Variants in SLC9A8 observed in about 807,000 individuals in gnomAD.
SLC9A8 encodes sodium/hydrogen exchanger 8.
In SLC9A8, 48 loss-of-function variants were observed where a neutral mutation model predicts 66.6. That is an observed-to-expected ratio of 0.72 (90% CI 0.57 to 0.92). The LOEUF (loss-of-function observed/expected upper bound fraction) is 0.92. Among genes scored for constraint, SLC9A8 ranks in the 40% least tolerant of loss-of-function variants. The pLI, the probability that SLC9A8 is intolerant of heterozygous loss-of-function variation, is 0.00. For synonymous variants in SLC9A8, 274 were observed against 282.6 expected (o/e 0.97, Z 0.31); for missense variants, 599 against 747.3 (o/e 0.80, Z 2.31).
intron 13 of SLC9A8, among the ~76,000 whole-genome samples, chr20:49,882,265 C>T (rs1224810742): frequency 3.9e-5 from 6 of 152,214 alleles, no homozygotes; most frequent in Admixed American, 3.3e-4. Context: ...CGCCTGTCCA[C>T]GGGGCTGGAA....
chr20:49,814,881 G>C (rs890883964), intron 1 of SLC9A8, 127 bp from the exon 2 acceptor site: 2 of 652,984 alleles, frequency 3.1e-6, no homozygotes, highest in Non-Finnish European at 2.4e-6. Context: ...TCTCTCGAAG[G>C]CCTGCCTGTT....
chr20:49,866,646 T>C (rs954481864), intron 10 of SLC9A8, among the ~76,000 whole-genome samples: 1 of 152,164 alleles, frequency 6.6e-6, no homozygotes, highest in Non-Finnish European at 1.5e-5. Flanking sequence ...TTATAGTTTA[T>C]ATGAGTTTAT....
At chr20:49,840,283 A>G (rs953644159) in intron 4 of SLC9A8, among the ~76,000 whole-genome samples, 1 of 152,190 alleles carries the variant, frequency 6.6e-6, no homozygotes, top group African/African-American at 2.4e-5. Flanking sequence ...CCTGGGGTGC[A>G]AGTACTCATT....
chr20:49,823,528 G>A (rs879013358), intron 3 of SLC9A8, among the ~76,000 whole-genome samples: 1 of 152,192 alleles, frequency 6.6e-6, no homozygotes, highest in South Asian at 2.1e-4. Context: ...AGACAGAAGG[G>A]ACTCTGACTT....
In SLC9A8 at chr20:49,886,668, G is replaced by C; in HGVS notation, c.1492-84G>C. 1 of 1,510,658 alleles carries C rather than the reference G, an allele frequency of 6.6e-7. No homozygotes were observed. Among genetic ancestry groups the C allele is most frequent in the Admixed American group, 1.9e-5 (1 of 52,278 alleles). The allele number at this position is 1,510,658 out of a possible 1,614,324, so 93.6% of individuals were successfully genotyped here. On this transcript the variant is annotated intron_variant, in intron 14 of 15. Coordinates refer to ENST00000361573, the MANE Select transcript of SLC9A8 (RefSeq NM_015266.3). This position sits in a 1 kb window ranked among gnomAD's most constrained non-coding sequence, Gnocchi z 4.8. The stretch of plus-strand genomic sequence containing the variant: ...GGAGTTAGGGTTGGGGACACTGGCG[G>C]CCTGGGTGGTGTGGGGGCTTCCAGG...
At chr20:49,847,382 C>CT (rs11334417) in intron 5 of SLC9A8, among the ~76,000 whole-genome samples, 2,009 of 113,892 alleles carry the variant, frequency 0.018, 24 homozygotes, top group East Asian at 0.047. Context: ...TTTTTCTTTT[C>CT]TTTTTTTTTT....
intron 10 of SLC9A8, among the ~76,000 whole-genome samples, chr20:49,867,892 G>GCTA: frequency 6.6e-6 from 1 of 152,322 alleles, no homozygotes; most frequent in South Asian, 2.1e-4. Context: ...CTACCCAGTC[G>GCTA]CTATCCGGAG....
At chr20:49,830,079 A>G (rs2087110399) in intron 3 of SLC9A8, 1 of 731,024 alleles carries the variant, frequency 1.4e-6, no homozygotes, top group Non-Finnish European at 2.6e-6. Flanking sequence ...GCAGATCCTC[A>G]TTTCCATCAT....
At chr20:49,848,586 C>A (rs1305344116) in intron 5 of SLC9A8, among the ~76,000 whole-genome samples, 1 of 152,136 alleles carries the variant, frequency 6.6e-6, no homozygotes, top group South Asian at 2.1e-4. Flanking sequence ...AAGTGGAGTT[C>A]ATAGGGTTAT....
At chr20:49,883,760 C>CT in intron 13 of SLC9A8, 86 bp from the exon 14 acceptor site, 1 of 1,079,530 alleles carries the variant, frequency 9.3e-7, no homozygotes, top group Non-Finnish European at 1.3e-6. Context: ...GGTCGTGGTG[C>CT]TGGGCCGGCT....
chr20:49,836,452 C>T (rs1214498607), intron 3 of SLC9A8, among the ~76,000 whole-genome samples: 1 of 152,074 alleles, frequency 6.6e-6, no homozygotes, highest in Non-Finnish European at 1.5e-5. Flanking sequence ...TCCTGCCTCT[C>T]CCAAGTAGCT....
intron 5 of SLC9A8, among the ~76,000 whole-genome samples, chr20:49,845,823 AGAT>A (rs1183287976): frequency 7.3e-5 from 11 of 150,790 alleles, no homozygotes; most frequent in Non-Finnish European, 8.9e-5. Context: ...TCCCAGTGTG[AGAT>A]GTTTTTTTTT....
At position 49,891,978 on chromosome 20, in the gene SLC9A8, G is replaced by GAA. The variant is rs1355164726; in HGVS notation, c.*4042_*4043insAA. On this transcript the variant is annotated 3_prime_UTR_variant, in exon 16 of 16. Coordinates refer to ENST00000361573, the MANE Select transcript of SLC9A8 (RefSeq NM_015266.3). The stretch of plus-strand genomic sequence containing the variant: ...TTTTTGTTTTAAGAAGCATTATGAA[G>GAA]GCCAGACTTACTCATTTTTCTCCCC... 2.6e-5 allele frequency: 4 copies of GAA among 152,166 alleles called. No homozygotes were observed. Among genetic ancestry groups the GAA allele is most frequent in the Non-Finnish European group, 5.9e-5 (4 of 68,044 alleles). 9.4% of individuals were successfully genotyped at this position (152,166 alleles called of 1,614,324 possible).
chr20:49,879,997 A>G (rs1429867201), intron 12 of SLC9A8, among the ~76,000 whole-genome samples: 2 of 152,064 alleles, frequency 1.3e-5, no homozygotes, highest in African/African-American at 4.8e-5. Context: ...GCAGTGGCTC[A>G]CACCTGTAAT....
At position 49,834,388 on chromosome 20, in the gene SLC9A8, GTATA is replaced by G. The variant is rs1467586621; in HGVS notation, c.290-5144_290-5141del. On this transcript the variant is annotated intron_variant, in intron 3 of 15. Transcript: ENST00000361573. ...TACTGTGTATATATATATATACTGT[GTATA>G]TATATATACTGTGTATATATATATA... Among the ~76,000 whole-genome samples the G allele has an allele frequency of 3.1e-4, 18 of 58,846 alleles. 3 individuals are homozygous for G. The highest frequency in any genetic ancestry group is 9.1e-5 in the Non-Finnish European group (3 of 32,952). The allele number at this position is 58,846 out of a possible 152,430, so 38.6% of individuals were successfully genotyped here.
At chr20:49,816,864 G>T (rs1316181535) in intron 2 of SLC9A8, among the ~76,000 whole-genome samples, 1 of 151,990 alleles carries the variant, frequency 6.6e-6, no homozygotes, top group Non-Finnish European at 1.5e-5. Flanking sequence ...AAGTAGCTGG[G>T]ACTACAGGTG....
At chr20:49,815,299 GT>G in intron 2 of SLC9A8, 110 bp downstream of exon 2, 1 of 906,342 alleles carries the variant, frequency 1.1e-6, no homozygotes, top group South Asian at 2.2e-5. Context: ...CTCCCATTTG[GT>G]TTTCATATCA....
chr20:49,881,291 C>T (rs1468075006), intron 13 of SLC9A8, among the ~76,000 whole-genome samples: 4 of 152,330 alleles, frequency 2.6e-5, no homozygotes, highest in Non-Finnish European at 5.9e-5. Flanking sequence ...ATTTCTGCCA[C>T]TCTCTTCTGA....
chr20:49,844,035 A>G (rs1308522934), intron 4 of SLC9A8, among the ~76,000 whole-genome samples: 1 of 152,102 alleles, frequency 6.6e-6, no homozygotes, highest in African/African-American at 2.4e-5. Flanking sequence ...AAGCAGCCTA[A>G]GGTTCTTATC....
Sources: gnomAD v4.1 joint callset for allele counts (sites outside exome capture counted in the v4.1 genomes callset) on GRCh38, gnomAD v4.1.1 for gene constraint, Gnocchi (gnomAD v3.1) non-coding constraint, MANE v1.5 for transcripts, NCBI Gene and HGNC (gene_info 2026-07-23, HGNC 2026-07-21) for gene names.